The following PSMD6 variants were observed in gnomAD, a reference collection of about 807,000 sequenced individuals.
The protein encoded by PSMD6 is 26S proteasome non-ATPase regulatory subunit 6.
A neutral mutation model predicts 44.9 loss-of-function variants in PSMD6; 7 were observed. The observed-to-expected ratio is 0.16, with a 90% CI of 0.09 to 0.29. PSMD6 has a LOEUF of 0.29. PSMD6 is among the 10% of genes least tolerant of loss of function. The pLI, the probability that PSMD6 is intolerant of heterozygous loss-of-function variation, is 1.00. For missense variants in PSMD6, 420 were observed against 482.6 expected (o/e 0.87, Z 1.21); for synonymous variants, 184 against 172.7 (o/e 1.07, Z -0.51).
chr3:64,011,744 G>A (rs920847259), intron 6 of PSMD6: 2 of 152,092 alleles, frequency 1.3e-5, no homozygotes, highest in African/African-American at 4.8e-5. Flanking sequence ...ATGACTTAAG[G>A]AATACTGCGG....
rs1195704025 is a variant in PSMD6 at position 64,018,661 on chromosome 3, G to A, written c.764C>T (p.Ala255Val). Reference sequence around the variant, plus strand: ...GAGTGAAAACAGATACTGCCGAACTGCTGGAAGACTGTGCAACACTTCAAG... The same window carrying A: ...GAGTGAAAACAGATACTGCCGAACTACTGGAAGACTGTGCAACACTTCAAG... Reference protein sequence around the residue: ...EILEVLHSLPAVRQYLFSLYE... With the variant: ...EILEVLHSLPVVRQYLFSLYE... Residue 255 changes from alanine to valine, a missense_variant, in exon 5 of 8, where the codon GCA (alanine) becomes GTA (valine). Around this residue, in one of 4 missense-constraint regions of PSMD6, gnomAD observed 216 missense variants for 227.0 expected, o/e 0.95. Coordinates refer to ENST00000295901, the MANE Select transcript of PSMD6 (RefSeq NM_014814.3). The A allele has an allele frequency of 2.5e-6, 4 of 1,607,036 alleles. No individual in the cohort carries two copies. The Admixed American group carries it at 5.0e-5, about 20-fold the overall frequency.
At chr3:64,019,761 C>CTA (rs10646362) in intron 2 of PSMD6, 42,574 of 230,896 alleles carry the variant, frequency 0.18, 4,169 homozygotes, top group African/African-American at 0.25. Context: ...TGTTTTCTCT[C>CTA]ATAATCACAA....
intron 5 of PSMD6, chr3:64,015,857 G>A (rs992147344): frequency 6.6e-6 from 1 of 152,040 alleles, no homozygotes; most frequent in South Asian, 2.1e-4. Context: ...TATAACTTCG[G>A]TTTTTAAATG....
rs1559679582 is a variant in PSMD6, at chr3:64,022,532, C to CA, written c.146-10dup. 3 of 1,612,694 alleles carry CA rather than the reference C, an allele frequency of 1.9e-6. No individual in the cohort carries two copies. Among genetic ancestry groups the CA allele is most frequent in the Non-Finnish European group, 2.5e-6 (3 of 1,178,982 alleles). ...ATAGTAAGGAGCCATGTCTAACATG[C>CA]AAAAAGAGGGATGTGTGAGTGGGGA... On this transcript the variant is annotated splice_polypyrimidine_tract_variant and intron_variant, in intron 1 of 7. Coordinates refer to ENST00000295901, the MANE Select transcript of PSMD6 (RefSeq NM_014814.3).
chr3:64,023,741 T>C, upstream of PSMD6: 2 of 1,481,346 alleles, frequency 1.4e-6, no homozygotes. Flanking sequence ...CGTTTGTAAC[T>C]GATGGGAGCT....
Position 64,010,871 on chromosome 3 carries a change from A to AGAGTACC in PSMD6, c.1073_1073+6dup, listed in dbSNP as rs1553698150. On this transcript the variant is annotated splice_region_variant and intron_variant, in intron 7 of 7. Coordinates refer to ENST00000295901, the MANE Select transcript of PSMD6 (RefSeq NM_014814.3). ...GGAATGCCCCTTATTCTGAGAAATG[A>AGAGTACC]GAGTACCTGTTGGTTTCTACTATTT... The AGAGTACC allele has an allele frequency of 1.9e-6, 3 of 1,601,294 alleles. No individual in the cohort carries two copies. The African/African-American group carries it at 4.0e-5, about 22-fold the overall frequency.
At chr3:64,019,735 T>G (rs1365215009) in intron 2 of PSMD6, 5 of 291,560 alleles carry the variant, frequency 1.7e-5, no homozygotes, top group African/African-American at 1.1e-4. Context: ...TATTTTTCTC[T>G]GTTCTATATA....
rs1234971258 is a variant in PSMD6 at position 64,023,256 on chromosome 3, G to A, written c.145+19C>T. ...GGCCCAGGCCTAGGCCGCTGACTCG[G>A]CGCTCGTGCGGGCCTCACTGTTATC... is the stretch of plus-strand genomic sequence containing the variant. On this transcript the variant is annotated intron_variant, in intron 1 of 7. Transcript: ENST00000295901. 3 of 1,547,874 alleles carry A rather than the reference G, an allele frequency of 1.9e-6. No homozygotes were observed. Among genetic ancestry groups the A allele is most frequent in the African/African-American group, 1.4e-5 (1 of 72,886 alleles).
At chr3:64,017,374 G>A (rs956585032) in intron 5 of PSMD6, 1 of 152,124 alleles carries the variant, frequency 6.6e-6, no homozygotes. Context: ...TGTTCTGACT[G>A]AGGGAAGCAA....
intron 5 of PSMD6, among the ~76,000 whole-genome samples, chr3:64,018,162 TCTC>T (rs753306462): frequency 6.6e-6 from 1 of 152,306 alleles, no homozygotes; most frequent in East Asian, 1.9e-4. Context: ...GTTCAATTAA[TCTC>T]CACCCCAAAT....
Position 64,023,324 on chromosome 3 carries a change from G to A in PSMD6, c.96C>T (p.Arg32=), listed in dbSNP as rs752127642. The change falls in exon 1 of 8, where the codon CGC becomes CGT. Residue 32 remains arginine, a synonymous_variant. Transcript: ENST00000295901. ...GCTCGTCGCGCACGGCAGCGTCTCCGCGGTGCTCGGGCAGGCTGAGCAGGA... is the reference window on the plus strand; with the variant it reads ...GCTCGTCGCGCACGGCAGCGTCTCCACGGTGCTCGGGCAGGCTGAGCAGGA... ...LRFLLSLPEH[R]GDAAVRDELM... is the part of the protein sequence containing the mutation. 2.5e-6 allele frequency: 4 copies of A among 1,601,414 alleles called. No homozygotes were observed. Among genetic ancestry groups the A allele is most frequent in the South Asian group, 1.1e-5 (1 of 89,410 alleles).
rs187429444 is a variant in PSMD6, at chr3:64,022,213, T to C, written c.351+105A>G. Reference sequence around the variant, plus strand: ...CAAGCAAGCATGATTACCTTTATACTTTTTCTAAAACGAAGTTAATTTTTT... The same window carrying C: ...CAAGCAAGCATGATTACCTTTATACCTTTTCTAAAACGAAGTTAATTTTTT... On this transcript the variant is annotated intron_variant, in intron 2 of 7. Transcript: ENST00000295901. 20 of 1,293,048 alleles carry C rather than the reference T, an allele frequency of 1.5e-5. No individual in the cohort carries two copies. The African/African-American group carries it at 3.0e-4, about 19-fold the overall frequency. The allele number at this position is 1,293,048 out of a possible 1,614,324, so 80.1% of individuals were successfully genotyped here.
At chr3:64,016,813 G>A (rs2076051203) in intron 5 of PSMD6, 1 of 152,032 alleles carries the variant, frequency 6.6e-6, no homozygotes, top group South Asian at 2.1e-4. Context: ...TTAAGATGCA[G>A]CCATTCCACT....
chr3:64,022,264 G>C (rs751416819), intron 2 of PSMD6, 54 bp downstream of exon 2: 39 of 1,570,148 alleles, frequency 2.5e-5, no homozygotes, highest in Admixed American at 5.1e-5. Context: ...ACCTGGAATA[G>C]TCTCCAATTT....
intron 2 of PSMD6, among the ~76,000 whole-genome samples, chr3:64,021,482 T>C (rs1159028770): frequency 6.6e-6 from 1 of 152,234 alleles, no homozygotes; most frequent in Admixed American, 6.5e-5. Flanking sequence ...TCATTGAGCA[T>C]TTATATTCTT....
rs980398461 is a variant in PSMD6, at chr3:64,011,211, C to T, written c.996-256G>A. ...ATCAAACAATGAAACCATATGTACT[C>T]AGAGAAAAACTGTAGGTTAGGAAAA... is the stretch of plus-strand genomic sequence containing the variant. On this transcript the variant is annotated intron_variant, in intron 6 of 7. Coordinates refer to ENST00000295901, the MANE Select transcript of PSMD6 (RefSeq NM_014814.3). 1.3e-5 allele frequency: 4 copies of T among 313,932 alleles called. No homozygotes were observed. The South Asian group carries it at 3.9e-4, about 31-fold the overall frequency. The allele number at this position is 313,932 out of a possible 1,614,324, so 19.4% of individuals were successfully genotyped here.
Position 64,018,940 on chromosome 3 carries a change from C to T in PSMD6, c.595G>A (p.Glu199Lys), listed in dbSNP as rs1188993709. ...GTTGAAACAGTGTCAAGGAAGAGTT[C>T]AGCTGCCTGTTTGAAATCACGAATA... ...VAIRDFKQAAELFLDTVSTFT... is the reference protein window; with the variant it reads ...VAIRDFKQAAKLFLDTVSTFT... Residue 199 changes from glutamate to lysine, a missense_variant, in exon 4 of 8, where the codon GAA becomes AAA. Physicochemically the swap from Glu to Lys is moderately conservative, Grantham distance 56. This residue lies in a region of PSMD6 where 216 missense variants were observed against 227.0 expected (regional missense o/e 0.95). Transcript: ENST00000295901. The T allele has an allele frequency of 6.2e-7, 1 of 1,608,830 alleles. No individual in the cohort carries two copies. Among genetic ancestry groups the T allele is most frequent in the East Asian group, 2.2e-5 (1 of 44,816 alleles).
intron 5 of PSMD6, chr3:64,017,801 T>C (rs1413151282): frequency 6.6e-6 from 1 of 152,220 alleles, no homozygotes; most frequent in Non-Finnish European, 1.5e-5. Context: ...TCCAAAGCTA[T>C]CTATTTAACC....
chr3:64,023,588 C>T (rs2076170354), upstream of PSMD6: 8 of 1,412,198 alleles, frequency 5.7e-6, no homozygotes, highest in Non-Finnish European at 5.5e-6. Flanking sequence ...CCTCACCCGG[C>T]CTGGGCGCCT....
Sources: allele counts gnomAD v4.1 joint callset (sites outside exome capture counted in the v4.1 genomes callset), GRCh38; gene constraint gnomAD v4.1.1; regional missense constraint gnomAD v4.1.1; transcripts MANE v1.5; gene names NCBI Gene and HGNC (gene_info 2026-07-23, HGNC 2026-07-21).